Variants in PCLO observed in about 807,000 individuals in gnomAD.
PCLO encodes the protein piccolo presynaptic cytomatrix protein.
In PCLO, 82 loss-of-function variants were observed where a neutral mutation model predicts 427.5. The observed-to-expected ratio is 0.19, with a 90% CI of 0.16 to 0.23. The LOEUF (loss-of-function observed/expected upper bound fraction) is 0.23, where lower values mean the gene tolerates loss of function less well. Ranked by LOEUF, PCLO falls within the 10% of genes least tolerant of loss-of-function variation. The pLI is 1.00. For missense variants in PCLO, 6,239 were observed against 6,115.9 expected, an observed-to-expected ratio of 1.02 and a Z score of -0.67; for synonymous variants, 2,357 against 2,155.4, an observed-to-expected ratio of 1.09 and a Z score of -2.59.
At chr7:83,030,901 T>G (rs1159410611) in intron 3 of PCLO, among the ~76,000 whole-genome samples, 1 of 152,130 alleles carries the variant, frequency 6.6e-6, no homozygotes, top group Non-Finnish European at 1.5e-5. Flanking sequence ...ATCGTAAAAC[T>G]TTTATTAATT....
rs924489258 is a variant in PCLO at position 83,050,422 on chromosome 7, C to T, written c.3300+83828G>A. Among the ~76,000 whole-genome samples, 3 of 151,456 alleles carry T rather than the reference C, an allele frequency of 2.0e-5. No homozygotes were observed. In the Admixed American group the frequency reaches 2.0e-4, roughly 10 times the overall value. ...ACTATTATTTCTTGGCTTCAAACAC[C>T]ACACTCTACTTTTATTCCTTGACAT... On this transcript the variant is annotated intron_variant, in intron 3 of 24. Transcript: ENST00000333891.
At chr7:82,901,984 T>C (rs1794052889) in intron 9 of PCLO, among the ~76,000 whole-genome samples, 1 of 151,438 alleles carries the variant, frequency 6.6e-6, no homozygotes. Context: ...GGTGGGACTG[T>C]AAACTAGTTC....
intron 3 of PCLO, among the ~76,000 whole-genome samples, chr7:83,059,055 A>C (rs1789472714): frequency 6.6e-6 from 1 of 151,608 alleles, no homozygotes; most frequent in Non-Finnish European, 1.5e-5. Flanking sequence ...ACAATCACCA[A>C]TAGTTTTATA....
rs545354853 is a variant in PCLO at position 82,955,678 on chromosome 7, G to A, written c.5275C>T (p.Arg1759Trp). The A allele has an allele frequency of 4.3e-6, 7 of 1,613,888 alleles. No homozygotes were observed. The highest frequency in any genetic ancestry group is 1.7e-5 in the Admixed American group (1 of 60,006). ...KGESKQQRKA[R>W]HRPHGPLLPT... ...AAAAGAGGGCCATGTGGTCTGTGCC[G>A]AGCTTTGCGTTGCTGTTTGCTCTCT... The change falls in exon 5 of 25, where the codon CGG becomes TGG. Residue 1759 changes from arginine to tryptophan, a missense_variant. By Grantham distance (101) the Arg-to-Trp change is moderately radical. Around this residue, in one of 5 missense-constraint regions of PCLO, gnomAD observed 4,677 missense variants for 4,468.4 expected, o/e 1.05. Coordinates refer to ENST00000333891, the MANE Select transcript of PCLO (RefSeq NM_033026.6).
rs1214461282 is a variant in PCLO, at chr7:82,953,370, T to C, written c.7583A>G (p.Asp2528Gly). 3 of 1,613,700 alleles carry C rather than the reference T, an allele frequency of 1.9e-6. No individual in the cohort carries two copies. Among genetic ancestry groups the C allele is most frequent in the Non-Finnish European group, 2.5e-6 (3 of 1,179,822 alleles). ...TAGGCCTGTTGGTTTGGGGTGTATA[T>C]CTGTTGGTTTTTGTGTAGTTGTTGG... is the stretch of plus-strand genomic sequence containing the variant. ...QLPTTTQKPT[D>G]IHPKPTGLSL... Residue 2528 changes from aspartate to glycine, a missense_variant, in exon 5 of 25, where the codon GAT (aspartate) becomes GGT (glycine). Physicochemically the swap from Asp to Gly is moderately conservative, Grantham distance 94. Around this residue, in one of 5 missense-constraint regions of PCLO, gnomAD observed 4,677 missense variants for 4,468.4 expected, o/e 1.05. Coordinates refer to ENST00000333891, the MANE Select transcript of PCLO (RefSeq NM_033026.6).
At chr7:83,057,718 T>C (rs1435766701) in intron 3 of PCLO, among the ~76,000 whole-genome samples, 1 of 152,154 alleles carries the variant, frequency 6.6e-6, no homozygotes, top group East Asian at 1.9e-4. Flanking sequence ...ACGACCGATC[T>C]ATATACTTTA....
At chr7:83,123,493 TAAATC>T (rs2116570893) in intron 3 of PCLO, among the ~76,000 whole-genome samples, 1 of 152,224 alleles carries the variant, frequency 6.6e-6, no homozygotes, top group East Asian at 1.9e-4. Flanking sequence ...ATTAAAGAAT[TAAATC>T]TAAGATCTGA....
At chr7:82,813,538 T>C (rs531329550) in intron 20 of PCLO, among the ~76,000 whole-genome samples, 8 of 151,840 alleles carry the variant, frequency 5.3e-5, no homozygotes, top group Non-Finnish European at 1.0e-4. Flanking sequence ...CAGTTGAAGA[T>C]AGACAAAACT....
intron 3 of PCLO, among the ~76,000 whole-genome samples, chr7:82,995,846 A>T (rs972679227): frequency 6.6e-6 from 1 of 152,082 alleles, no homozygotes; most frequent in African/African-American, 2.4e-5. Flanking sequence ...TATAGTAAAC[A>T]TTACATGAGG....
At chr7:82,907,957 A>C (rs564537342) in intron 8 of PCLO, among the ~76,000 whole-genome samples, 1 of 152,224 alleles carries the variant, frequency 6.6e-6, no homozygotes, top group South Asian at 2.1e-4. Context: ...ACACTGAATT[A>C]TAGTAAGTCT....
chr7:82,826,876 A>G (rs2115680054), intron 17 of PCLO, among the ~76,000 whole-genome samples: 1 of 152,156 alleles, frequency 6.6e-6, no homozygotes, highest in South Asian at 2.1e-4. Context: ...CATGGGGAAC[A>G]TTATTATTTT....
At position 82,835,747 on chromosome 7, in the gene PCLO, A is replaced by G. The variant is rs1283512137; in HGVS notation, c.14223-54T>C. On this transcript the variant is annotated intron_variant, in intron 15 of 24. Transcript: ENST00000333891. ...GGGGTAAAACAGGAAAGTAGAAAAGACAGGAAGAAAATAGTTAGGAACAGA... is the reference window on the plus strand; with the variant it reads ...GGGGTAAAACAGGAAAGTAGAAAAGGCAGGAAGAAAATAGTTAGGAACAGA... 9 of 1,386,204 alleles carry G rather than the reference A, an allele frequency of 6.5e-6. No homozygotes were observed. The Admixed American group carries it at 9.1e-5, about 14-fold the overall frequency. The allele number at this position is 1,386,204 out of a possible 1,614,324, so 85.9% of individuals were successfully genotyped here.
chr7:82,900,980 T>C (rs550805688), intron 9 of PCLO, among the ~76,000 whole-genome samples: 58 of 151,938 alleles, frequency 3.8e-4, no homozygotes, highest in African/African-American at 1.3e-3. Context: ...AGTGTTCAAA[T>C]TGAGTAGAAA....
rs550049312 is a variant in PCLO, at chr7:82,758,227, C to T, written c.*348G>A. The T allele has an allele frequency of 3.2e-4, 53 of 167,722 alleles. No homozygotes were observed. Among genetic ancestry groups the T allele is most frequent in the Non-Finnish European group, 4.3e-4 (34 of 78,852 alleles). 10.4% of individuals were successfully genotyped at this position (167,722 alleles called of 1,614,324 possible). ...TGCATAAAGAATTACCTTTGTGCTG[C>T]ATGAAAACCACATTAATCTTTGAGC... On this transcript the variant is annotated 3_prime_UTR_variant, in exon 25 of 25. Transcript: ENST00000333891.
intron 3 of PCLO, among the ~76,000 whole-genome samples, chr7:83,100,575 G>A (rs553089973): frequency 2.0e-5 from 3 of 152,242 alleles, no homozygotes; most frequent in African/African-American, 7.2e-5. Context: ...AATACCGCAT[G>A]TTCTCACTTA....
Position 82,968,377 on chromosome 7 carries a change from G to T in PCLO, c.3301-1890C>A, listed in dbSNP as rs563520900. ...TGATTCATTATGTCAAATGCTAAAA[G>T]TTCTAGCTCTTGTGTTGAACAGTCC... On this transcript the variant is annotated intron_variant, in intron 3 of 24. Coordinates refer to ENST00000333891, the MANE Select transcript of PCLO (RefSeq NM_033026.6). Among the ~76,000 whole-genome samples, 10 of 152,230 alleles carry T rather than the reference G, an allele frequency of 6.6e-5. No individual in the cohort carries two copies. In the South Asian group the frequency reaches 1.9e-3, roughly 28 times the overall value.
intron 16 of PCLO, among the ~76,000 whole-genome samples, chr7:82,828,380 T>G (rs546208653): frequency 6.6e-6 from 1 of 152,216 alleles, no homozygotes; most frequent in South Asian, 2.1e-4. Context: ...TTGTAATGAG[T>G]GTACTGAGAA....
intron 6 of PCLO, 67 bp downstream of exon 6, chr7:82,949,409 T>C: frequency 7.8e-7 from 1 of 1,286,402 alleles, no homozygotes; most frequent in Non-Finnish European, 1.1e-6. Flanking sequence ...GATCGCCTCC[T>C]AAAAGTCTGA....
At chr7:83,060,533 C>A (rs1237812062) in intron 3 of PCLO, among the ~76,000 whole-genome samples, 1 of 152,164 alleles carries the variant, frequency 6.6e-6, no homozygotes, top group Non-Finnish European at 1.5e-5. Flanking sequence ...ACCACTGTAC[C>A]TTCCACTACT....
Sources: allele counts gnomAD v4.1 joint callset (sites outside exome capture counted in the v4.1 genomes callset), GRCh38; gene constraint gnomAD v4.1.1; regional missense constraint gnomAD v4.1.1; transcripts MANE v1.5; gene names NCBI Gene and HGNC (gene_info 2026-07-23, HGNC 2026-07-21).